Variants in MAP3K5 observed in about 807,000 individuals in gnomAD.
The protein encoded by MAP3K5 is mitogen-activated protein kinase kinase kinase 5, also known as ASK-1.
In MAP3K5, 56 loss-of-function variants were observed where a neutral mutation model predicts 158.7. That is an observed-to-expected ratio of 0.35 (90% CI 0.28 to 0.44). The LOEUF is 0.44. Among genes scored for constraint, MAP3K5 ranks in the 20% least tolerant of loss-of-function variants. MAP3K5 has a pLI of 1.00. For missense variants in MAP3K5, 1,294 were observed against 1,674.8 expected, an observed-to-expected ratio of 0.77 and a Z score of 3.97; for synonymous variants, 579 against 601.7, an observed-to-expected ratio of 0.96 and a Z score of 0.55.
At chr6:136,744,354 T>C (rs1191132696) in intron 1 of MAP3K5, among the ~76,000 whole-genome samples, 1 of 151,434 alleles carries the variant, frequency 6.6e-6, no homozygotes, top group African/African-American at 2.5e-5. Flanking sequence ...TATGTATATA[T>C]ACACGTGTGT....
intron 23 of MAP3K5, among the ~76,000 whole-genome samples, chr6:136,588,452 AC>A (rs1775234168): frequency 1.3e-5 from 2 of 152,220 alleles, no homozygotes; most frequent in African/African-American, 4.8e-5. Context: ...AATACTAAGA[AC>A]AGTAACTGGC....
chr6:136,742,195 T>C (rs1477662933), intron 1 of MAP3K5, among the ~76,000 whole-genome samples: 1 of 152,130 alleles, frequency 6.6e-6, no homozygotes, highest in Non-Finnish European at 1.5e-5. Context: ...AACACAATAT[T>C]GAAGAAGAAC....
intron 7 of MAP3K5, among the ~76,000 whole-genome samples, chr6:136,687,242 C>T (rs976524512): frequency 3.0e-4 from 46 of 152,168 alleles, no homozygotes; most frequent in Middle Eastern, 3.4e-3. Flanking sequence ...TGAAACTGGA[C>T]CCCTTCCTTA....
intron 1 of MAP3K5, among the ~76,000 whole-genome samples, chr6:136,770,205 G>A (rs75211147): frequency 0.014 from 2,092 of 152,162 alleles, 21 homozygotes; most frequent in Non-Finnish European, 0.023. Context: ...CCTAATGGAT[G>A]GACTGAGGCA....
At chr6:136,641,885 G>C (rs1777958688) in intron 12 of MAP3K5, among the ~76,000 whole-genome samples, 1 of 151,622 alleles carries the variant, frequency 6.6e-6, no homozygotes, top group African/African-American at 2.4e-5. Flanking sequence ...CTACTTGGGA[G>C]GCTGAGGCAG....
At chr6:136,697,135 C>G in intron 5 of MAP3K5, 84 bp downstream of exon 5, 1 of 1,238,250 alleles carries the variant, frequency 8.1e-7, no homozygotes, top group African/African-American at 1.5e-5. Flanking sequence ...AACTGCTTAC[C>G]AGCAAACTGA....
intron 1 of MAP3K5, among the ~76,000 whole-genome samples, chr6:136,786,125 G>A (rs999850484): frequency 6.6e-6 from 1 of 152,164 alleles, no homozygotes; most frequent in African/African-American, 2.4e-5. Context: ...TGTAATCCCA[G>A]CACTTTGGGA....
chr6:136,732,340 A>C lies in MAP3K5; in HGVS notation c.449-11751T>G, dbSNP rs576223847. On this transcript the variant is annotated intron_variant, in intron 1 of 29. Coordinates refer to ENST00000359015, the MANE Select transcript of MAP3K5 (RefSeq NM_005923.4). ...CTAGGGAGGCTGAGGCTGAAGAATCACTTGAACCCGGGAAGTGGAAGTTGC... is the reference window on the plus strand; with the variant it reads ...CTAGGGAGGCTGAGGCTGAAGAATCCCTTGAACCCGGGAAGTGGAAGTTGC... 1.8e-4 allele frequency among the ~76,000 whole-genome samples: 27 copies of C among 152,256 alleles called. No individual in the cohort carries two copies. In the South Asian group the frequency reaches 5.6e-3, roughly 32 times the overall value.
At chr6:136,586,209 A>G (rs2129078236) in intron 23 of MAP3K5, among the ~76,000 whole-genome samples, 1 of 152,360 alleles carries the variant, frequency 6.6e-6, no homozygotes, top group Middle Eastern at 3.4e-3. Flanking sequence ...GTAAAGATTC[A>G]CAGGCAAAAT....
rs1470582751 is a variant in MAP3K5 at position 136,792,237 on chromosome 6, C to A, written c.-80G>T. 5 of 1,384,018 alleles carry A rather than the reference C, an allele frequency of 3.6e-6. No individual in the cohort carries two copies. Among genetic ancestry groups the A allele is most frequent in the Non-Finnish European group, 4.6e-6 (5 of 1,080,032 alleles). The allele number at this position is 1,384,018 out of a possible 1,614,324, so 85.7% of individuals were successfully genotyped here. On this transcript the variant is annotated 5_prime_UTR_variant, in exon 1 of 30. Transcript: ENST00000359015. The surrounding 1 kb of genome is among the most constrained non-coding windows in gnomAD (Gnocchi z 5.7). The stretch of plus-strand genomic sequence containing the variant: ...GGCCAGCCACAGCTCGGGGCTGCTC[C>A]GCGCCCGCCGGGCTAAGCAGCTGCC...
chr6:136,632,694 A>C (rs1245167454), intron 14 of MAP3K5, among the ~76,000 whole-genome samples: 1 of 152,120 alleles, frequency 6.6e-6, no homozygotes, highest in Non-Finnish European at 1.5e-5. Flanking sequence ...GGCTGCAGGA[A>C]AGAACGGGCA....
intron 7 of MAP3K5, among the ~76,000 whole-genome samples, chr6:136,690,913 T>C (rs1431104349): frequency 6.6e-6 from 1 of 152,180 alleles, no homozygotes; most frequent in African/African-American, 2.4e-5. Context: ...TTTTGATGTA[T>C]CTAGAATTGT....
intron 1 of MAP3K5, among the ~76,000 whole-genome samples, chr6:136,775,409 A>G (rs1413704359): frequency 6.6e-6 from 1 of 152,222 alleles, no homozygotes; most frequent in Non-Finnish European, 1.5e-5. Flanking sequence ...TCCAGGTCTC[A>G]AATTAGGCTT....
At chr6:136,619,554 T>C (rs561813952) in intron 15 of MAP3K5, among the ~76,000 whole-genome samples, 1 of 151,906 alleles carries the variant, frequency 6.6e-6, no homozygotes, top group African/African-American at 2.4e-5. Context: ...CCCACCAGAG[T>C]AGTCCATTTG....
At chr6:136,559,947 A>G (rs1242119345) in intron 28 of MAP3K5, among the ~76,000 whole-genome samples, 1 of 152,150 alleles carries the variant, frequency 6.6e-6, no homozygotes, top group East Asian at 1.9e-4. Context: ...GAGTTGTTTA[A>G]ATTTATTCAG....
At chr6:136,637,500 A>G in intron 13 of MAP3K5, 94 bp from the exon 14 acceptor site, 1 of 771,008 alleles carries the variant, frequency 1.3e-6, no homozygotes, top group Non-Finnish European at 2.3e-6. Flanking sequence ...CAAAACTGAG[A>G]GCTAAGAGAG....
intron 8 of MAP3K5, 135 bp from the exon 9 acceptor site, chr6:136,659,513 A>G: frequency 1.3e-6 from 1 of 769,328 alleles, no homozygotes; most frequent in Non-Finnish European, 2.1e-6. Context: ...CTGATTATTA[A>G]GGTGGCTTCA....
At chr6:136,691,226 C>A (rs1259738302) in intron 7 of MAP3K5, among the ~76,000 whole-genome samples, 1 of 152,104 alleles carries the variant, frequency 6.6e-6, no homozygotes, top group Non-Finnish European at 1.5e-5. Flanking sequence ...TTTGTTTGAA[C>A]AGATTTGGAT....
intron 1 of MAP3K5, among the ~76,000 whole-genome samples, chr6:136,738,981 G>T (rs934304242): frequency 1.3e-5 from 2 of 151,694 alleles, no homozygotes; most frequent in Non-Finnish European, 2.9e-5. Flanking sequence ...TGCACACTAG[G>T]TTCCTGCCCT....
Sources: gnomAD v4.1 joint callset for allele counts (sites outside exome capture counted in the v4.1 genomes callset) on GRCh38, gnomAD v4.1.1 for gene constraint, Gnocchi (gnomAD v3.1) non-coding constraint, MANE v1.5 for transcripts, NCBI Gene and HGNC (gene_info 2026-07-23, HGNC 2026-07-21) for gene names.